TAFA5: variants seen among roughly 807,000 people sequenced by gnomAD.
TAFA5 encodes the protein chemokine-like protein TAFA-5.
A neutral mutation model predicts 15.3 loss-of-function variants in TAFA5; 6 were observed. The ratio of observed to expected loss-of-function variants is 0.39; its 90% CI spans 0.21 to 0.77. The LOEUF is 0.77. TAFA5 is among the 30% of genes least tolerant of loss of function. The pLI, the probability that TAFA5 is intolerant of heterozygous loss-of-function variation, is 0.41. For synonymous variants in TAFA5, 103 were observed against 80.7 expected (o/e 1.28, Z -1.48); for missense variants, 161 against 193.1 (o/e 0.83, Z 0.98).
chr22:48,713,533 G>A (rs114909214), intron 3 of TAFA5, among the ~76,000 whole-genome samples: 78 of 152,372 alleles, frequency 5.1e-4, no homozygotes, highest in African/African-American at 1.8e-3. Context: ...GCGAGTTCTG[G>A]AGGTCAGACT....
At chr22:48,562,796 A>T (rs1923282611) in intron 1 of TAFA5, among the ~76,000 whole-genome samples, 1 of 152,084 alleles carries the variant, frequency 6.6e-6, no homozygotes, top group Non-Finnish European at 1.5e-5. Flanking sequence ...ACGGCTTCTC[A>T]TGAGAACTCC....
chr22:48,617,213 G>T (rs1404082401), intron 1 of TAFA5, among the ~76,000 whole-genome samples: 1 of 152,170 alleles, frequency 6.6e-6, no homozygotes, highest in Non-Finnish European at 1.5e-5. Context: ...GGGTCTCACA[G>T]GCAGTCACAG....
chr22:48,619,842 T>C (rs1439485599), intron 1 of TAFA5, among the ~76,000 whole-genome samples: 2 of 152,214 alleles, frequency 1.3e-5, no homozygotes, highest in Non-Finnish European at 2.9e-5. Flanking sequence ...TCCTCGTTGC[T>C]CTGGGCCCTG....
chr22:48,674,479 T>G (rs1474877466), intron 2 of TAFA5, among the ~76,000 whole-genome samples: 1 of 152,162 alleles, frequency 6.6e-6, no homozygotes, highest in African/African-American at 2.4e-5. Context: ...ACGTCCCTCC[T>G]CAGCCTTCGA....
At chr22:48,645,604 C>T (rs1454164303) in intron 1 of TAFA5, among the ~76,000 whole-genome samples, 1 of 152,020 alleles carries the variant, frequency 6.6e-6, no homozygotes, top group Admixed American at 6.5e-5. Flanking sequence ...TCCTGCTTCC[C>T]TCGTGCCCTG....
At chr22:48,690,037 G>A (rs1330252294) in intron 2 of TAFA5, among the ~76,000 whole-genome samples, 1 of 55,426 alleles carries the variant, frequency 1.8e-5, no homozygotes, top group Non-Finnish European at 3.7e-5. Context: ...CACTGGGGGA[G>A]GTGGGCTTGG....
intron 3 of TAFA5, among the ~76,000 whole-genome samples, chr22:48,747,357 G>T (rs1036967619): frequency 6.6e-6 from 1 of 152,180 alleles, no homozygotes; most frequent in African/African-American, 2.4e-5. Flanking sequence ...AAGCGTTGGG[G>T]CCTTGGTTGT....
intron 1 of TAFA5, among the ~76,000 whole-genome samples, chr22:48,591,374 G>A (rs943283714): frequency 8.5e-5 from 13 of 152,200 alleles, no homozygotes; most frequent in Admixed American, 5.2e-4. Context: ...TGTTCCCGTC[G>A]CAAGCCACCC....
intron 2 of TAFA5, among the ~76,000 whole-genome samples, chr22:48,698,104 G>A (rs900343959): frequency 6.6e-6 from 1 of 151,678 alleles, no homozygotes. Flanking sequence ...TGGTGGTGGT[G>A]GTGGTGGTGA....
chr22:48,612,150 C>T (rs1388326098), intron 1 of TAFA5, among the ~76,000 whole-genome samples: 4 of 152,164 alleles, frequency 2.6e-5, no homozygotes, highest in Admixed American at 6.5e-5. Flanking sequence ...TTCCCACGGA[C>T]GGGGCTTCCT....
At position 48,627,162 on chromosome 22, in the gene TAFA5, A is replaced by G. The variant is rs538941411; in HGVS notation, c.113-19435A>G. Among the ~76,000 whole-genome samples, 5 of 152,368 alleles carry G rather than the reference A, an allele frequency of 3.3e-5. No individual in the cohort carries two copies. In the South Asian group the frequency reaches 8.3e-4, roughly 25 times the overall value. On this transcript the variant is annotated intron_variant, in intron 1 of 3. Transcript: ENST00000402357. ...ATTGGCACCACGTATGTGTGTCTAA[A>G]GAAGGTTAAGCAGAAGAAACCTGAT...
chr22:48,548,804 T>C (rs1922765424), intron 1 of TAFA5, among the ~76,000 whole-genome samples: 1 of 152,242 alleles, frequency 6.6e-6, no homozygotes, highest in Admixed American at 6.5e-5. Context: ...AACCGAAGTC[T>C]CTTATCTCCT....
intron 2 of TAFA5, among the ~76,000 whole-genome samples, chr22:48,686,418 G>A (rs1014151326): frequency 2.6e-5 from 4 of 152,186 alleles, no homozygotes; most frequent in African/African-American, 9.7e-5. Flanking sequence ...AGGATGAGGG[G>A]CCTCTCTCAG....
intron 3 of TAFA5, among the ~76,000 whole-genome samples, chr22:48,715,391 A>G (rs12166166): frequency 0.063 from 9,628 of 152,180 alleles, 367 homozygotes; most frequent in Admixed American, 0.095. Flanking sequence ...CAGCACACCA[A>G]CTAAACCACA....
At chr22:48,504,835 G>A (rs1006249734) in intron 1 of TAFA5, among the ~76,000 whole-genome samples, 1 of 152,328 alleles carries the variant, frequency 6.6e-6, no homozygotes, top group South Asian at 2.1e-4. Flanking sequence ...ATCCTTGCCA[G>A]CAGCAGCTGC....
chr22:48,721,883 C>T (rs1245843434), intron 3 of TAFA5, among the ~76,000 whole-genome samples: 12 of 152,070 alleles, frequency 7.9e-5, no homozygotes, highest in Non-Finnish European at 7.4e-5. Context: ...GCAGGAGAAT[C>T]GCTTGATCGC....
chr22:48,556,482 A>G (rs528780221), intron 1 of TAFA5, among the ~76,000 whole-genome samples: 48 of 152,366 alleles, frequency 3.2e-4, no homozygotes, highest in Non-Finnish European at 5.7e-4. Context: ...GATTTATTTA[A>G]ATCAGCCTCT....
At chr22:48,514,742 C>G (rs1226819708) in intron 1 of TAFA5, among the ~76,000 whole-genome samples, 1 of 152,306 alleles carries the variant, frequency 6.6e-6, no homozygotes, top group East Asian at 1.9e-4. Context: ...AGCTTCCTGG[C>G]AGAGAAGGCA....
intron 1 of TAFA5, among the ~76,000 whole-genome samples, chr22:48,558,628 C>T (rs1212099892): frequency 1.3e-5 from 2 of 152,210 alleles, no homozygotes; most frequent in Admixed American, 1.3e-4. Flanking sequence ...TTCATTTGGC[C>T]AACCAGGAAC....
Sources: gnomAD v4.1 joint callset for allele counts (sites outside exome capture counted in the v4.1 genomes callset) on GRCh38, gnomAD v4.1.1 for gene constraint, MANE v1.5 for transcripts, NCBI Gene and HGNC (gene_info 2026-07-23, HGNC 2026-07-21) for gene names.